TMEM117: variants seen among roughly 807,000 people sequenced by gnomAD.
TMEM117 encodes transmembrane protein 117.
Under a neutral mutation model 52.4 loss-of-function variants are expected in TMEM117, and 27 were observed. That is an observed-to-expected ratio of 0.51 (90% CI 0.38 to 0.71). The LOEUF (loss-of-function observed/expected upper bound fraction) is 0.71, where lower values mean the gene tolerates loss of function less well. Ranked by LOEUF, TMEM117 falls within the 30% of genes least tolerant of loss-of-function variation. The probability of loss-of-function intolerance (pLI) is 0.00; values close to 1 mark genes in which losing one functional copy is unlikely to be tolerated. For synonymous variants in TMEM117, 215 were observed against 206.3 expected (o/e 1.04, Z -0.36); for missense variants, 556 against 630.5 (o/e 0.88, Z 1.26).
At chr12:43,840,938 G>A (rs865798897) in intron 1 of TMEM117, among the ~76,000 whole-genome samples, 1 of 151,932 alleles carries the variant, frequency 6.6e-6, no homozygotes, top group Non-Finnish European at 1.5e-5. Flanking sequence ...GTGCACTACA[G>A]AGGTGAAAAC....
intron 4 of TMEM117, among the ~76,000 whole-genome samples, chr12:44,181,372 T>A (rs1949196012): frequency 6.6e-6 from 1 of 152,168 alleles, no homozygotes; most frequent in African/African-American, 2.4e-5. Context: ...ATCCCATTTG[T>A]CAATTTTGTC....
chr12:44,081,154 AT>A (rs1947475596), intron 3 of TMEM117, among the ~76,000 whole-genome samples: 1 of 152,190 alleles, frequency 6.6e-6, no homozygotes, highest in Non-Finnish European at 1.5e-5. Flanking sequence ...TTTTGAAGAA[AT>A]AGATAAATAA....
chr12:44,227,142 C>A (rs189167595), intron 5 of TMEM117, among the ~76,000 whole-genome samples: 1 of 152,220 alleles, frequency 6.6e-6, no homozygotes, highest in East Asian at 1.9e-4. Flanking sequence ...ATTTGCATTA[C>A]AGGGTCATAG....
intron 2 of TMEM117, among the ~76,000 whole-genome samples, chr12:43,865,746 C>G (rs1031910595): frequency 6.6e-6 from 1 of 151,248 alleles, no homozygotes; most frequent in African/African-American, 2.4e-5. Context: ...TCATACATAC[C>G]AAGTATCAAA....
chr12:44,341,895 C>T (rs1441828866), intron 6 of TMEM117, among the ~76,000 whole-genome samples: 13 of 152,110 alleles, frequency 8.5e-5, no homozygotes, highest in Admixed American at 4.6e-4. Context: ...CAGTGAGGCA[C>T]TCCAGCAGAG....
intron 5 of TMEM117, among the ~76,000 whole-genome samples, chr12:44,258,163 T>C (rs1405319969): frequency 1.3e-5 from 2 of 152,140 alleles, no homozygotes; most frequent in Admixed American, 1.3e-4. Flanking sequence ...TGGGCATTTA[T>C]CAACAAAATG....
At chr12:43,970,146 C>A (rs1244367865) in intron 3 of TMEM117, among the ~76,000 whole-genome samples, 1 of 152,098 alleles carries the variant, frequency 6.6e-6, no homozygotes, top group Non-Finnish European at 1.5e-5. Flanking sequence ...TCGGTTATCA[C>A]CGTCTTGGTT....
rs150239513 is a variant in TMEM117 at position 44,071,444 on chromosome 12, G to T, written c.411-72081G>T. 3.3e-5 allele frequency among the ~76,000 whole-genome samples: 5 copies of T among 152,220 alleles called. No individual in the cohort carries two copies. The East Asian group carries it at 9.6e-4, about 29-fold the overall frequency. On this transcript the variant is annotated intron_variant, in intron 3 of 7. Coordinates refer to ENST00000266534, the MANE Select transcript of TMEM117 (RefSeq NM_032256.3). ...TTAGGCATAAATAATAAAATTAAAG[G>T]GAATGGGAATTTTAACCTATGAAGC...
chr12:44,235,096 T>C (rs1949979671), intron 5 of TMEM117, among the ~76,000 whole-genome samples: 1 of 151,648 alleles, frequency 6.6e-6, no homozygotes, highest in African/African-American at 2.4e-5. Flanking sequence ...ATGCTAATAA[T>C]TTTTCTTAGT....
chr12:43,859,047 A>G (rs1431954889), intron 2 of TMEM117, among the ~76,000 whole-genome samples: 1 of 152,114 alleles, frequency 6.6e-6, no homozygotes, highest in Non-Finnish European at 1.5e-5. Flanking sequence ...TGTGGGAATC[A>G]TAGAATCTCA....
intron 6 of TMEM117, among the ~76,000 whole-genome samples, chr12:44,349,329 C>T (rs75052834): frequency 0.028 from 4,237 of 152,064 alleles, 97 homozygotes; most frequent in African/African-American, 0.055. Context: ...ACAAACAATA[C>T]GTCAGTTTCT....
intron 2 of TMEM117, among the ~76,000 whole-genome samples, chr12:43,940,259 A>G (rs1407829024): frequency 6.6e-6 from 1 of 152,150 alleles, no homozygotes; most frequent in Non-Finnish European, 1.5e-5. Context: ...AGGGCTCCCC[A>G]CATCTCCTAC....
intron 6 of TMEM117, among the ~76,000 whole-genome samples, chr12:44,346,130 A>C (rs1028398637): frequency 3.3e-5 from 5 of 152,122 alleles, no homozygotes; most frequent in Non-Finnish European, 7.4e-5. Flanking sequence ...AGTTAACTTA[A>C]ATCATTTCAG....
At chr12:44,031,920 G>A (rs1946639060) in intron 3 of TMEM117, among the ~76,000 whole-genome samples, 1 of 152,154 alleles carries the variant, frequency 6.6e-6, no homozygotes. Context: ...TTGACTTGTA[G>A]AGCCAATAAA....
intron 7 of TMEM117, among the ~76,000 whole-genome samples, chr12:44,381,798 G>A (rs541255364): frequency 1.3e-5 from 2 of 152,224 alleles, no homozygotes; most frequent in East Asian, 3.9e-4. Context: ...TCTAGCAAAT[G>A]AGTTCCCAGA....
intron 4 of TMEM117, among the ~76,000 whole-genome samples, chr12:44,155,290 A>G (rs916344313): frequency 1.3e-5 from 2 of 152,088 alleles, no homozygotes; most frequent in African/African-American, 2.4e-5. Flanking sequence ...AGTCATAACA[A>G]ATTAGTAAGG....
intron 3 of TMEM117, among the ~76,000 whole-genome samples, chr12:44,116,953 G>A (rs1209010102): frequency 2.6e-5 from 4 of 152,076 alleles, no homozygotes; most frequent in Admixed American, 2.0e-4. Flanking sequence ...TCTCCATGTT[G>A]TTGTCAGCTG....
chr12:44,369,300 G>A (rs1951830984), intron 6 of TMEM117, among the ~76,000 whole-genome samples: 1 of 152,158 alleles, frequency 6.6e-6, no homozygotes, highest in African/African-American at 2.4e-5. Context: ...AAGGAATGAT[G>A]TTTTCAAGGT....
the TMEM117 span, among the ~76,000 whole-genome samples, chr12:43,823,973 A>C: frequency 6.6e-6 from 1 of 152,262 alleles, no homozygotes; most frequent in South Asian, 2.1e-4. Context: ...TACTTACATT[A>C]GTATACATAT....
Sources: gnomAD v4.1 joint callset for allele counts (sites outside exome capture counted in the v4.1 genomes callset) on GRCh38, gnomAD v4.1.1 for gene constraint, MANE v1.5 for transcripts, NCBI Gene and HGNC (gene_info 2026-07-23, HGNC 2026-07-21) for gene names.